Variants in HFM1 observed in about 807,000 individuals in gnomAD.
HFM1 encodes helicase for meiosis 1.
In HFM1, 169 loss-of-function variants were observed where a neutral mutation model predicts 192.1. The observed-to-expected ratio is 0.88, with a 90% CI of 0.78 to 1.00. HFM1 has a LOEUF of 1.00. HFM1 is among the 50% of genes least tolerant of loss of function. HFM1 has a pLI of 0.00. For missense variants in HFM1, 1,661 were observed against 1,668.0 expected (o/e 1.00, Z 0.07); for synonymous variants, 525 against 537.8 (o/e 0.98, Z 0.33).
chr1:91,373,295 TC>T (rs1372355080), intron 13 of HFM1, among the ~76,000 whole-genome samples: 1 of 151,930 alleles, frequency 6.6e-6, no homozygotes, highest in Non-Finnish European at 1.5e-5. Context: ...AGAAGTATAT[TC>T]CCCCACCATA....
chr1:91,298,088 C>T (rs946031407), intron 30 of HFM1, among the ~76,000 whole-genome samples: 1 of 152,060 alleles, frequency 6.6e-6, no homozygotes, highest in African/African-American at 2.4e-5. Flanking sequence ...CAGAGAAGTC[C>T]TTAAAGGACC....
At chr1:91,262,072 G>T in intron 38 of HFM1, 169 bp downstream of exon 38, 1 of 394,672 alleles carries the variant, frequency 2.5e-6, no homozygotes. Context: ...TATGATGTTT[G>T]AAACATCTTA....
At chr1:91,277,905 A>ATG (rs1488791987) in intron 30 of HFM1, among the ~76,000 whole-genome samples, 36 of 134,978 alleles carry the variant, frequency 2.7e-4, no homozygotes, top group African/African-American at 9.6e-4. Flanking sequence ...ATGCTTATAT[A>ATG]TAATATATAC....
At chr1:91,322,906 A>T in intron 23 of HFM1, 44 bp downstream of exon 23, 1 of 946,636 alleles carries the variant, frequency 1.1e-6, no homozygotes, top group Non-Finnish European at 1.5e-6. Context: ...AAAATGTTTT[A>T]AAACCAAAAA....
At position 91,316,186 on chromosome 1, in the gene HFM1, TA is replaced by T; in HGVS notation, c.2899-3del. ...AAAGGGGGGATGTCTGTTTAAAATC[TA>T]AAAATATTTACATCATTATATTCTT... On this transcript the variant is annotated splice_polypyrimidine_tract_variant and splice_region_variant and intron_variant, in intron 26 of 38. Coordinates refer to ENST00000370425, the MANE Select transcript of HFM1 (RefSeq NM_001017975.6). 1 of 1,504,974 alleles carries T rather than the reference TA, an allele frequency of 6.6e-7. No homozygotes were observed. Among genetic ancestry groups the T allele is most frequent in the Non-Finnish European group, 9.1e-7 (1 of 1,098,460 alleles). 93.2% of individuals were successfully genotyped at this position (1,504,974 alleles called of 1,614,324 possible). A position where few individuals can be genotyped will look rare whatever the true frequency, so the allele number is the denominator to read the frequency against.
intron 13 of HFM1, among the ~76,000 whole-genome samples, chr1:91,374,283 C>T (rs1243256901): frequency 6.6e-6 from 1 of 152,142 alleles, no homozygotes; most frequent in East Asian, 1.9e-4. Context: ...CTGCAGGCTA[C>T]ACTAAGGATT....
chr1:91,270,530 G>C (rs1307762590), intron 34 of HFM1, among the ~76,000 whole-genome samples: 1 of 151,620 alleles, frequency 6.6e-6, no homozygotes, highest in Non-Finnish European at 1.5e-5. Flanking sequence ...AAAGACACGG[G>C]CTTGGGTGAT....
At chr1:91,292,215 G>T (rs1295322055) in intron 30 of HFM1, among the ~76,000 whole-genome samples, 1 of 150,294 alleles carries the variant, frequency 6.7e-6, no homozygotes, top group Non-Finnish European at 1.5e-5. Flanking sequence ...AATTAGGCAG[G>T]AGAAGGAAAT....
intron 30 of HFM1, among the ~76,000 whole-genome samples, chr1:91,289,553 G>C (rs1177112946): frequency 6.6e-6 from 1 of 152,128 alleles, no homozygotes; most frequent in Non-Finnish European, 1.5e-5. Flanking sequence ...ACACGCCACT[G>C]CACTCCAGCC....
At chr1:91,364,638 T>A (rs1321201926) in intron 13 of HFM1, among the ~76,000 whole-genome samples, 2 of 124,024 alleles carry the variant, frequency 1.6e-5, no homozygotes, top group African/African-American at 6.1e-5. Flanking sequence ...ATATATTTTT[T>A]TTTTTTTTTT....
chr1:91,321,511 C>A (rs1336637568), intron 23 of HFM1, among the ~76,000 whole-genome samples: 1 of 151,768 alleles, frequency 6.6e-6, no homozygotes, highest in African/African-American at 2.4e-5. Context: ...GGATAAAATC[C>A]TAAAACTAAG....
intron 1 of HFM1, among the ~76,000 whole-genome samples, chr1:91,404,342 C>T (rs1211471458): frequency 1.3e-5 from 2 of 152,224 alleles, no homozygotes; most frequent in Admixed American, 1.3e-4. Context: ...AAGAACGGGG[C>T]GCTGGGGCGC....
chr1:91,370,204 A>G (rs1420321999), intron 13 of HFM1, among the ~76,000 whole-genome samples: 1 of 152,200 alleles, frequency 6.6e-6, no homozygotes, highest in Non-Finnish European at 1.5e-5. Context: ...TATTCCAATC[A>G]ATAGAAAAAG....
intron 13 of HFM1, among the ~76,000 whole-genome samples, chr1:91,357,341 G>A (rs992976052): frequency 5.3e-5 from 8 of 152,096 alleles, no homozygotes; most frequent in Non-Finnish European, 1.2e-4. Flanking sequence ...CAGAATGAAA[G>A]ATAAAAAACA....
intron 20 of HFM1, among the ~76,000 whole-genome samples, chr1:91,334,987 T>C (rs1192095610): frequency 6.6e-6 from 1 of 151,398 alleles, no homozygotes; most frequent in Non-Finnish European, 1.5e-5. Flanking sequence ...TTCCAAAGAA[T>C]TTCAAGCCTT....
chr1:91,404,068 C>A (rs988592107), intron 1 of HFM1, among the ~76,000 whole-genome samples: 4 of 152,066 alleles, frequency 2.6e-5, no homozygotes, highest in Admixed American at 1.3e-4. Flanking sequence ...CGGGAATAAC[C>A]GACCGTCACA....
intron 18 of HFM1, among the ~76,000 whole-genome samples, chr1:91,349,927 A>C (rs550814267): frequency 2.6e-4 from 40 of 152,370 alleles, no homozygotes; most frequent in East Asian, 7.7e-4. Flanking sequence ...CAAGAATTAT[A>C]CAAAAAAGAT....
At chr1:91,390,211 A>G (rs169473) in intron 4 of HFM1, among the ~76,000 whole-genome samples, 152,136 of 152,316 alleles carry the variant, frequency 1, 75,978 homozygotes, top group Non-Finnish European at 1. Context: ...GCCGAGGCAG[A>G]CAGATCACAC....
chr1:91,274,645 C>T (rs1666630345), intron 33 of HFM1, 85 bp downstream of exon 33: 1 of 624,574 alleles, frequency 1.6e-6, no homozygotes, highest in Admixed American at 2.6e-5. Context: ...TAGCCAGTGA[C>T]TATCTTTCCC....
Sources: allele counts gnomAD v4.1 joint callset (sites outside exome capture counted in the v4.1 genomes callset), GRCh38; gene constraint gnomAD v4.1.1; transcripts MANE v1.5; gene names NCBI Gene and HGNC (gene_info 2026-07-23, HGNC 2026-07-21).